ABCA1: variants seen among roughly 807,000 people sequenced by gnomAD.
ABCA1 encodes ATP binding cassette subfamily A member 1, also known as phospholipid-transporting ATPase ABCA1.
A neutral mutation model predicts 262.5 loss-of-function variants in ABCA1; 133 were observed. The ratio of observed to expected loss-of-function variants is 0.51; its 90% CI spans 0.44 to 0.59. ABCA1 has a LOEUF of 0.59. ABCA1 is among the 20% of genes least tolerant of loss of function. ABCA1 has a pLI of 0.00. For synonymous variants in ABCA1, 1,022 were observed against 1,043.5 expected, an observed-to-expected ratio of 0.98 and a Z score of 0.40; for missense variants, 2,452 against 2,777.5, an observed-to-expected ratio of 0.88 and a Z score of 2.63.
At position 104,831,713 on chromosome 9, in the gene ABCA1, T is replaced by C. The variant is rs1361893112; in HGVS notation, c.1624A>G (p.Thr542Ala). Reference sequence around the variant, plus strand: ...TGGGGCAGCTCAATGCTGCCTGGAGTAATTCCAGTGAACACAATACCAGCC... The same window carrying C: ...TGGGGCAGCTCAATGCTGCCTGGAGCAATTCCAGTGAACACAATACCAGCC... ...FWAGIVFTGITPGSIELPHHV... is the reference protein window; with the variant it reads ...FWAGIVFTGIAPGSIELPHHV... The change falls in exon 13 of 50, where the codon ACT (threonine) becomes GCT (alanine). Residue 542 changes from threonine to alanine, a missense_variant. Coordinates refer to ENST00000374736, the MANE Select transcript of ABCA1 (RefSeq NM_005502.4). The C allele has an allele frequency of 1.9e-6, 3 of 1,614,130 alleles. No homozygotes were observed. Among genetic ancestry groups the C allele is most frequent in the Non-Finnish European group, 2.5e-6 (3 of 1,180,018 alleles).
At chr9:104,837,716 G>T in intron 9 of ABCA1, 149 bp from the exon 10 acceptor site, 1 of 925,950 alleles carries the variant, frequency 1.1e-6, no homozygotes, top group Non-Finnish European at 1.7e-6. Context: ...AGCCTCAGTT[G>T]GCTCCTCTGT....
chr9:104,883,610 T>C (rs1838884858), intron 4 of ABCA1, among the ~76,000 whole-genome samples: 1 of 152,262 alleles, frequency 6.6e-6, no homozygotes, highest in African/African-American at 2.4e-5. Flanking sequence ...GTCTGGATTA[T>C]ATTCATCTTT....
At chr9:104,861,839 ACT>A (rs762587542) in intron 5 of ABCA1, 39 bp from the exon 6 acceptor site, 26 of 1,545,994 alleles carry the variant, frequency 1.7e-5, no homozygotes, top group Admixed American at 1.5e-4. Flanking sequence ...TTAGTAAGTA[ACT>A]CAAAAAAAAA....
chr9:104,862,674 CGGGCCGGGCCGGGCCGGGCCG>C (rs1489428040), intron 5 of ABCA1, among the ~76,000 whole-genome samples: 1 of 9,212 alleles, frequency 1.1e-4, no homozygotes, highest in African/African-American at 4.5e-4. Context: ...CGGGCCGGGC[CGGGCCGGGCCGGGCCGGGCCG>C]GGCCGGCCCC....
intron 1 of ABCA1, among the ~76,000 whole-genome samples, chr9:104,908,170 A>G (rs1841282747): frequency 6.9e-6 from 1 of 144,532 alleles, no homozygotes; most frequent in African/African-American, 2.9e-5. Context: ...GTATGGAGAC[A>G]CTGGGACTCA....
At chr9:104,803,210 G>C (rs1830488376) in intron 33 of ABCA1, 74 bp downstream of exon 33, 2 of 1,526,082 alleles carry the variant, frequency 1.3e-6, no homozygotes, top group East Asian at 2.3e-5. Flanking sequence ...AATCCCCAAG[G>C]CTTTCTTCAA....
chr9:104,832,982 T>C (rs557314807), intron 11 of ABCA1, among the ~76,000 whole-genome samples: 5 of 152,298 alleles, frequency 3.3e-5, no homozygotes, highest in East Asian at 1.9e-4. Context: ...ATAGTATTAC[T>C]AGATGTGGAG....
chr9:104,790,701 G>T (rs1829350386), intron 44 of ABCA1, among the ~76,000 whole-genome samples: 1 of 152,080 alleles, frequency 6.6e-6, no homozygotes, highest in Admixed American at 6.5e-5. Flanking sequence ...CCTGAATAAA[G>T]CTGTTAAAAG....
chr9:104,839,521 TTTG>T (rs58815879), intron 9 of ABCA1, among the ~76,000 whole-genome samples: 15 of 152,028 alleles, frequency 9.9e-5, no homozygotes, highest in African/African-American at 1.2e-4. Flanking sequence ...ATGTTAGTTC[TTTG>T]TTGTTGTTGT....
chr9:104,799,229 T>A (rs1308334812), intron 36 of ABCA1, among the ~76,000 whole-genome samples: 1 of 152,180 alleles, frequency 6.6e-6, no homozygotes, highest in Non-Finnish European at 1.5e-5. Context: ...AGGTATCTAA[T>A]GTGTGTGAAA....
In ABCA1 at chr9:104,831,051, A is replaced by C; in HGVS notation, c.1766T>G (p.Val589Gly). 1 of 1,613,426 alleles carries C rather than the reference A, an allele frequency of 6.2e-7. No homozygotes were observed. The highest frequency in any genetic ancestry group is 8.5e-7 in the Non-Finnish European group (1 of 1,179,884). The stretch of plus-strand genomic sequence containing the variant: ...CTGCAAGTAGGCGAAGCCCCCCCAG[A>C]CGTACCGCATGTCCTCAAAGGGGTC... ...RADPFEDMRY[V>G]WGGFAYLQDV... is the part of the protein sequence containing the mutation. The change falls in exon 14 of 50, where the codon GTC becomes GGC. Residue 589 changes from valine (V) to glycine (G), a missense_variant. By Grantham distance (109) the Val-to-Gly change is moderately radical. This residue lies in a region of ABCA1 where 1,032 missense variants were observed against 1,089.7 expected (regional missense o/e 0.95). Transcript: ENST00000374736.
chr9:104,917,886 T>C (rs1361286360), intron 1 of ABCA1, among the ~76,000 whole-genome samples: 2 of 152,248 alleles, frequency 1.3e-5, no homozygotes, highest in South Asian at 2.1e-4. Flanking sequence ...GTTTATCTTA[T>C]ACATAGACTG....
intron 32 of ABCA1, among the ~76,000 whole-genome samples, chr9:104,804,080 C>T (rs766589676): frequency 1.2e-4 from 18 of 152,130 alleles, no homozygotes; most frequent in Non-Finnish European, 2.1e-4. Flanking sequence ...GGGAAGGAAA[C>T]GAGAACAAAC....
At chr9:104,846,092 C>G (rs955438917) in intron 7 of ABCA1, among the ~76,000 whole-genome samples, 1 of 152,202 alleles carries the variant, frequency 6.6e-6, no homozygotes, top group Admixed American at 6.5e-5. Context: ...GAGTTTTAGT[C>G]AAATCTTTAT....
At chr9:104,915,911 G>T (rs1841813718) in intron 1 of ABCA1, among the ~76,000 whole-genome samples, 1 of 152,110 alleles carries the variant, frequency 6.6e-6, no homozygotes, top group African/African-American at 2.4e-5. Context: ...GCCATCTGGG[G>T]TCAGAGTGCC....
In ABCA1 at chr9:104,818,757, C is replaced by T. The variant is rs753956766; in HGVS notation, c.3368G>A (p.Gly1123Glu). The part of the protein sequence containing the change: ...GSSLFLKNQL[G>E]TGYYLTLVKK... The stretch of plus-strand genomic sequence containing the variant: ...GACCAAGGTCAGGTAGTAGCCTGTT[C>T]CCAGCTGGTTCTTCAGAAACAGGGA... The change falls in exon 23 of 50, where the codon GGA becomes GAA. Residue 1123 changes from glycine to glutamate, a missense_variant. By Grantham distance (98) the Gly-to-Glu change is moderately conservative. This residue lies in a region of ABCA1 where 665 missense variants were observed against 727.3 expected (regional missense o/e 0.91). Coordinates refer to ENST00000374736, the MANE Select transcript of ABCA1 (RefSeq NM_005502.4). 1 of 1,613,908 alleles carries T rather than the reference C, an allele frequency of 6.2e-7. No homozygotes were observed. Among genetic ancestry groups the T allele is most frequent in the Admixed American group, 1.7e-5 (1 of 60,014 alleles).
At chr9:104,839,239 A>G (rs1458672602) in intron 9 of ABCA1, among the ~76,000 whole-genome samples, 2 of 152,170 alleles carry the variant, frequency 1.3e-5, no homozygotes, top group Non-Finnish European at 2.9e-5. Context: ...ACTGCCTTGC[A>G]GCTAAGAATG....
rs1285893172 is a variant in ABCA1, at chr9:104,823,826, G to A, written c.2656+639C>T. On this transcript the variant is annotated intron_variant, in intron 18 of 49. Transcript: ENST00000374736. The stretch of plus-strand genomic sequence containing the variant: ...AGATGATTAGGAACAGCAGGCAAGC[G>A]TGCTACACTAAGGGGCATCATACTT... 4.6e-5 allele frequency among the ~76,000 whole-genome samples: 7 copies of A among 152,084 alleles called. No individual in the cohort carries two copies. The South Asian group carries it at 8.3e-4, about 18-fold the overall frequency.
intron 43 of ABCA1, 135 bp from the exon 44 acceptor site, chr9:104,791,163 C>T (rs995999598): frequency 4.8e-6 from 3 of 624,554 alleles, no homozygotes; most frequent in East Asian, 5.7e-5. Context: ...TTTAACACAT[C>T]GTATAGATAT....
Sources: allele counts gnomAD v4.1 joint callset (sites outside exome capture counted in the v4.1 genomes callset), GRCh38; gene constraint gnomAD v4.1.1; regional missense constraint gnomAD v4.1.1; transcripts MANE v1.5; gene names NCBI Gene and HGNC (gene_info 2026-07-23, HGNC 2026-07-21).